Variants in HADHA observed in about 807,000 individuals in gnomAD.
HADHA encodes hydroxyacyl-CoA dehydrogenase trifunctional multienzyme complex subunit alpha.
HADHA carries 59 observed loss-of-function variants against 91.3 expected under a neutral mutation model. That is an observed-to-expected ratio of 0.65 (90% CI 0.52 to 0.80). HADHA has a LOEUF of 0.80. HADHA is among the 30% of genes least tolerant of loss of function. The probability of loss-of-function intolerance (pLI) is 0.00; values close to 1 mark genes in which losing one functional copy is unlikely to be tolerated. For missense variants in HADHA, 800 were observed against 927.6 expected, an observed-to-expected ratio of 0.86 and a Z score of 1.79; for synonymous variants, 320 against 338.9, an observed-to-expected ratio of 0.94 and a Z score of 0.61.
intron 14 of HADHA, 50 bp downstream of exon 14, chr2:26,197,641 G>T: frequency 1.2e-6 from 1 of 861,542 alleles, no homozygotes; most frequent in Non-Finnish European, 2.0e-6. Flanking sequence ...CTTTATCAGT[G>T]AATCTGAAGC....
chr2:26,192,432 A>G lies in HADHA; in HGVS notation c.1886-8T>C, dbSNP rs749138340. 22 of 1,317,664 alleles carry G rather than the reference A, an allele frequency of 1.7e-5. No homozygotes were observed. The highest frequency in any genetic ancestry group is 2.2e-5 in the Non-Finnish European group (20 of 909,288). The allele number at this position is 1,317,664 out of a possible 1,614,324, so 81.6% of individuals were successfully genotyped here. A position where few individuals can be genotyped will look rare whatever the true frequency, so the allele number is the denominator to read the frequency against. Reference sequence around the variant, plus strand: ...CCTTCCCAGATTTACGACCTAAAACAGGCAAGAAAAGGGAGTGTTACTATT... The same window carrying G: ...CCTTCCCAGATTTACGACCTAAAACGGGCAAGAAAAGGGAGTGTTACTATT... On this transcript the variant is annotated splice_polypyrimidine_tract_variant and splice_region_variant and intron_variant, in intron 17 of 19. Coordinates refer to ENST00000380649, the MANE Select transcript of HADHA (RefSeq NM_000182.5).
rs548114258 is a variant in HADHA at position 26,203,003 on chromosome 2, G to T, written c.1220+1059C>A. Among the ~76,000 whole-genome samples the T allele has an allele frequency of 8.5e-4, 130 of 152,344 alleles. 4 individuals are homozygous for T. The South Asian group carries it at 0.026, about 30-fold the overall frequency. On this transcript the variant is annotated intron_variant, in intron 12 of 19. Coordinates refer to ENST00000380649, the MANE Select transcript of HADHA (RefSeq NM_000182.5). ...CCCAGGACACTATTCAAGAGAGACT[G>T]GGGGAGGAAACTATTTTAGAGCAAC...
chr2:26,199,058 C>G (rs989803027), intron 13 of HADHA, among the ~76,000 whole-genome samples: 1 of 152,092 alleles, frequency 6.6e-6, no homozygotes, highest in Non-Finnish European at 1.5e-5. Flanking sequence ...CCATGCCTGG[C>G]TAATTTTTTT....
rs559429405 is a variant in HADHA, at chr2:26,201,719, G to A, written c.1221-399C>T. On this transcript the variant is annotated intron_variant, in intron 12 of 19. Coordinates refer to ENST00000380649, the MANE Select transcript of HADHA (RefSeq NM_000182.5). ...ATGACAGGGGAAGCAGCCAAAGTGTGTCTGAGACCACATGGTTTATATTTG... is the reference window on the plus strand; with the variant it reads ...ATGACAGGGGAAGCAGCCAAAGTGTATCTGAGACCACATGGTTTATATTTG... Among the ~76,000 whole-genome samples the A allele has an allele frequency of 7.9e-5, 12 of 152,082 alleles. No individual in the cohort carries two copies. The South Asian group carries it at 2.5e-3, about 32-fold the overall frequency.
Position 26,198,400 on chromosome 2 carries a change from G to T in HADHA, c.1393-623C>A, listed in dbSNP as rs183768509. Among the ~76,000 whole-genome samples the T allele has an allele frequency of 2.7e-3, 399 of 148,038 alleles. 2 individuals carry two copies. The highest frequency in any genetic ancestry group is 9.6e-3 in the African/African-American group (385 of 39,928). ...TTTTTGTTTTTTTTTTTTAAAGACA[G>T]AGTCTCGCTCTGTTGCCCAGGCTGG... On this transcript the variant is annotated intron_variant, in intron 13 of 19. Transcript: ENST00000380649.
Position 26,190,861 on chromosome 2 carries a change from G to C in HADHA, c.*389C>G, listed in dbSNP as rs886055860. 1 of 312,852 alleles carries C rather than the reference G, an allele frequency of 3.2e-6. No homozygotes were observed. Among genetic ancestry groups the C allele is most frequent in the Non-Finnish European group, 6.1e-6 (1 of 164,026 alleles). 19.4% of individuals were successfully genotyped at this position (312,852 alleles called of 1,614,324 possible). ...TTGAAGGAGGCGTTTAAACCAGAAG[G>C]GCAAAGATGCTGACACAGAGTTTGG... On this transcript the variant is annotated 3_prime_UTR_variant, in exon 20 of 20. Coordinates refer to ENST00000380649, the MANE Select transcript of HADHA (RefSeq NM_000182.5).
chr2:26,191,477 A>AC lies in HADHA; in HGVS notation c.2146+5dup. The stretch of plus-strand genomic sequence containing the variant: ...GTGAGCTTCCTTCCCAACCTGCGAG[A>AC]CCAACCTCCCAGACAAGGCGGGAAG... On this transcript the variant is annotated splice_donor_region_variant and intron_variant, in intron 19 of 19. Coordinates refer to ENST00000380649, the MANE Select transcript of HADHA (RefSeq NM_000182.5). 1.2e-6 allele frequency: 2 copies of AC among 1,614,144 alleles called. No individual in the cohort carries two copies. The highest frequency in any genetic ancestry group is 1.7e-6 in the Non-Finnish European group (2 of 1,180,026).
intron 12 of HADHA, 133 bp from the exon 13 acceptor site, chr2:26,201,453 G>T: frequency 1.5e-6 from 1 of 656,214 alleles, no homozygotes; most frequent in South Asian, 1.9e-5. Flanking sequence ...CATTTTGAGG[G>T]AGACTTTCAA....
In HADHA at chr2:26,201,331, C is replaced by G. The variant is rs778084207; in HGVS notation, c.1221-11G>C. On this transcript the variant is annotated splice_polypyrimidine_tract_variant and intron_variant, in intron 12 of 19. Transcript: ENST00000380649. ...ACTTTGTCATTCAATCTAGAAAAAA[C>G]ACATTCCTAGTTAGATGGGAAGAAA... The G allele has an allele frequency of 6.3e-7, 1 of 1,582,762 alleles. No individual in the cohort carries two copies.
intron 7 of HADHA, among the ~76,000 whole-genome samples, chr2:26,216,070 C>G (rs1670212118): frequency 1.3e-5 from 2 of 152,150 alleles, no homozygotes; most frequent in South Asian, 2.1e-4. Context: ...TTGCTCAAGA[C>G]CAGCCTGGGC....
Position 26,212,628 on chromosome 2 carries a change from TA to T in HADHA, c.919-3del. On this transcript the variant is annotated splice_region_variant and splice_polypyrimidine_tract_variant and intron_variant, in intron 9 of 19. Coordinates refer to ENST00000380649, the MANE Select transcript of HADHA (RefSeq NM_000182.5). ...TTGCTCAATTCCAGTCTTTACCACC[TA>T]AAAAACATATAAAGCACTTGCTCAG... The T allele has an allele frequency of 6.3e-7, 1 of 1,588,118 alleles. No homozygotes were observed. Among genetic ancestry groups the T allele is most frequent in the Non-Finnish European group, 8.6e-7 (1 of 1,156,290 alleles).
At chr2:26,193,823 C>CTGTA (rs773865390) in intron 16 of HADHA, 51 bp from the exon 17 acceptor site, 1 of 1,426,232 alleles carries the variant, frequency 7.0e-7, no homozygotes, top group South Asian at 1.1e-5. Flanking sequence ...CCCAAATCCC[C>CTGTA]CCAAAGGGCT....
chr2:26,197,925 C>T (rs753943033), intron 13 of HADHA, 148 bp from the exon 14 acceptor site: 19 of 706,020 alleles, frequency 2.7e-5, no homozygotes, highest in Non-Finnish European at 5.0e-5. Context: ...CAGACATTGA[C>T]GGATCACCTA....
rs1427209968 is a variant in HADHA, at chr2:26,191,411, G to C, written c.2147-16C>G. Reference sequence around the variant, plus strand: ...CGGAAAGGCCCTGAATAGAGAAAGAGGACTTCGTTGAAGGAGACGCAACAC... The same window carrying C: ...CGGAAAGGCCCTGAATAGAGAAAGACGACTTCGTTGAAGGAGACGCAACAC... On this transcript the variant is annotated splice_polypyrimidine_tract_variant and intron_variant, in intron 19 of 19. Coordinates refer to ENST00000380649, the MANE Select transcript of HADHA (RefSeq NM_000182.5). The C allele has an allele frequency of 6.2e-7, 1 of 1,614,176 alleles. No individual in the cohort carries two copies. Among genetic ancestry groups the C allele is most frequent in the Admixed American group, 1.7e-5 (1 of 60,028 alleles).
At chr2:26,196,845 C>G (rs1034491437) in intron 14 of HADHA, among the ~76,000 whole-genome samples, 6 of 152,210 alleles carry the variant, frequency 3.9e-5, no homozygotes, top group Non-Finnish European at 2.9e-5. Flanking sequence ...CATGGCCAGA[C>G]TGTCCATCTG....
intron 12 of HADHA, among the ~76,000 whole-genome samples, chr2:26,201,825 C>T (rs879906370): frequency 5.3e-5 from 8 of 151,356 alleles, no homozygotes; most frequent in African/African-American, 1.5e-4. Flanking sequence ...GACGGAGTCT[C>T]GCTCTGTTGC....
Position 26,237,006 on chromosome 2 carries a change from A to T in HADHA, c.181-18T>A, listed in dbSNP as rs1665419987. 1 of 1,591,566 alleles carries T rather than the reference A, an allele frequency of 6.3e-7. No homozygotes were observed. Among genetic ancestry groups the T allele is most frequent in the Non-Finnish European group, 8.6e-7 (1 of 1,159,524 alleles). On this transcript the variant is annotated intron_variant, in intron 3 of 19. Coordinates refer to ENST00000380649, the MANE Select transcript of HADHA (RefSeq NM_000182.5). ...GTATTTACCTGCCAAAGGGAAATATATACAGGTAAGGGTTTAAATTTGAAG... is the reference window on the plus strand; with the variant it reads ...GTATTTACCTGCCAAAGGGAAATATTTACAGGTAAGGGTTTAAATTTGAAG...
At position 26,214,513 on chromosome 2, in the gene HADHA, T is replaced by G; in HGVS notation, c.848A>C (p.Tyr283Ser). ...TCGCACTTTTTCTTCCACTTTTTTG[T>G]AAACCTGTTGCCTGACAAATGGAAT... Reference protein sequence around the residue: ...MTIPFVRQQVYKKVEEKVRKQ... With the variant: ...MTIPFVRQQVSKKVEEKVRKQ... The change falls in exon 9 of 20, where the codon TAC (tyrosine) becomes TCC (serine). Residue 283 changes from tyrosine (Y) to serine (S), a missense_variant. Transcript: ENST00000380649. This position sits in a 1 kb window ranked among gnomAD's most constrained non-coding sequence, Gnocchi z 4.1. 1 of 1,609,022 alleles carries G rather than the reference T, an allele frequency of 6.2e-7. No homozygotes were observed. The highest frequency in any genetic ancestry group is 8.5e-7 in the Non-Finnish European group (1 of 1,175,956).
intron 11 of HADHA, among the ~76,000 whole-genome samples, chr2:26,206,582 C>G (rs6749046): frequency 0.82 from 125,166 of 152,190 alleles, 51,833 homozygotes; most frequent in African/African-American, 0.93. Flanking sequence ...ATGCATGGTT[C>G]ACGGAAGTAT....
Sources: gnomAD v4.1 joint callset for allele counts (sites outside exome capture counted in the v4.1 genomes callset) on GRCh38, gnomAD v4.1.1 for gene constraint, Gnocchi (gnomAD v3.1) non-coding constraint, MANE v1.5 for transcripts, NCBI Gene and HGNC (gene_info 2026-07-23, HGNC 2026-07-21) for gene names.